The following CLDN16 variants were observed in gnomAD, a reference collection of about 807,000 sequenced individuals.
CLDN16 encodes the protein claudin 16.
CLDN16 carries 13 observed loss-of-function variants against 24.6 expected under a neutral mutation model. The observed-to-expected ratio is 0.53, with a 90% confidence interval of 0.34 to 0.84. The LOEUF (loss-of-function observed/expected upper bound fraction) is 0.84. Ranked by LOEUF, CLDN16 falls within the 40% of genes least tolerant of loss-of-function variation. CLDN16 has a pLI of 0.01. For missense variants in CLDN16, 298 were observed against 292.7 expected (o/e 1.02, Z -0.13); for synonymous variants, 116 against 106.7 (o/e 1.09, Z -0.54).
At chr3:190,313,170 C>A in the CLDN16 span, 1 of 951,468 alleles carries the variant, frequency 1.1e-6, no homozygotes, top group South Asian at 1.5e-5. Flanking sequence ...CCCAGTCATA[C>A]TGATGTTTCC....
At chr3:190,310,543 T>C in the CLDN16 span, among the ~76,000 whole-genome samples, 1 of 152,182 alleles carries the variant, frequency 6.6e-6, no homozygotes, top group Non-Finnish European at 1.5e-5. Flanking sequence ...TTGTACAAAA[T>C]CTCTTTTAAA....
At chr3:190,318,725 C>T (rs369067150), upstream of CLDN16, among the ~76,000 whole-genome samples, 3 of 152,218 alleles carry the variant, frequency 2.0e-5, no homozygotes, top group Non-Finnish European at 4.4e-5. Flanking sequence ...AATGGCCCTT[C>T]GAGTACCCTC....
intron 1 of CLDN16, among the ~76,000 whole-genome samples, chr3:190,335,181 T>C (rs986335655): frequency 7.9e-5 from 12 of 151,736 alleles, no homozygotes; most frequent in Non-Finnish European, 1.8e-4. Flanking sequence ...GTAGCTGAGA[T>C]TACAGGCACC....
chr3:190,330,912 C>G (rs1717168397), intron 1 of CLDN16, among the ~76,000 whole-genome samples: 2 of 152,264 alleles, frequency 1.3e-5, no homozygotes, highest in Admixed American at 1.3e-4. Context: ...TCAGCCTTAT[C>G]CTGTTCTCTC....
At chr3:190,401,415 C>T (rs1718958264) in intron 1 of CLDN16, among the ~76,000 whole-genome samples, 1 of 152,186 alleles carries the variant, frequency 6.6e-6, no homozygotes, top group South Asian at 2.1e-4. Flanking sequence ...CTTTACTAAA[C>T]TATTCCCAGA....
At chr3:190,300,307 A>G in the CLDN16 span, among the ~76,000 whole-genome samples, 2 of 144,290 alleles carry the variant, frequency 1.4e-5, no homozygotes, top group African/African-American at 5.9e-5. Context: ...TTGCTGCCCA[A>G]TGCAGGACTA....
chr3:190,342,591 C>T (rs1450337939), intron 1 of CLDN16, among the ~76,000 whole-genome samples: 4 of 152,118 alleles, frequency 2.6e-5, no homozygotes, highest in Non-Finnish European at 1.5e-5. Context: ...GTAAACAAAA[C>T]AGCATGGTAC....
chr3:190,393,166 G>A (rs1410916360), intron 1 of CLDN16, among the ~76,000 whole-genome samples: 1 of 152,162 alleles, frequency 6.6e-6, no homozygotes, highest in Non-Finnish European at 1.5e-5. Flanking sequence ...CTGCCTTTCT[G>A]ATCTGGGGCA....
chr3:190,365,306 A>G (rs1717996481), intron 1 of CLDN16, among the ~76,000 whole-genome samples: 1 of 151,650 alleles, frequency 6.6e-6, no homozygotes, highest in Non-Finnish European at 1.5e-5. Flanking sequence ...TGGCCTTCTC[A>G]GGATAGCCAC....
chr3:190,388,003 C>A (rs952746630), upstream of CLDN16: 10 of 963,722 alleles, frequency 1.0e-5, 1 homozygote, highest in East Asian at 2.3e-4. Flanking sequence ...GTCTGGTGAC[C>A]ACCACTAGCC....
At chr3:190,308,192 A>C in the CLDN16 span, 1 of 1,522,498 alleles carries the variant, frequency 6.6e-7, no homozygotes, top group Admixed American at 1.7e-5. Flanking sequence ...CAATACCCAA[A>C]ATTCTAAGGT....
chr3:190,356,024 C>T (rs548309579), intron 1 of CLDN16, among the ~76,000 whole-genome samples: 42 of 151,496 alleles, frequency 2.8e-4, no homozygotes, highest in African/African-American at 9.9e-4. Flanking sequence ...TATTTTAGGT[C>T]CAGTTCAGAT....
chr3:190,303,507 C>CT, the CLDN16 span, among the ~76,000 whole-genome samples: 7 of 151,958 alleles, frequency 4.6e-5, no homozygotes, highest in Middle Eastern at 3.4e-3. Context: ...TGTGTGTTCA[C>CT]TTTTTTTTCT....
intron 1 of CLDN16, among the ~76,000 whole-genome samples, chr3:190,349,362 C>T (rs1322336719): frequency 6.6e-6 from 1 of 152,276 alleles, no homozygotes; most frequent in South Asian, 2.1e-4. Context: ...CCCCTTGGCC[C>T]TTCTGCCATG....
the CLDN16 span, chr3:190,307,997 AG>A: frequency 2.7e-6 from 1 of 369,848 alleles, no homozygotes; most frequent in Non-Finnish European, 5.1e-6. Context: ...TATATATTTA[AG>A]GAGCACCCCT....
the CLDN16 span, among the ~76,000 whole-genome samples, chr3:190,296,007 T>A: frequency 9.2e-5 from 14 of 152,296 alleles, no homozygotes; most frequent in African/African-American, 3.4e-4. Context: ...AAGAGTTTTC[T>A]TCCCTGATAA....
chr3:190,365,677 T>C (rs1487212569), intron 1 of CLDN16, among the ~76,000 whole-genome samples: 1 of 151,336 alleles, frequency 6.6e-6, no homozygotes, highest in Non-Finnish European at 1.5e-5. Context: ...GATATCTTTG[T>C]GTTTTACTAA....
chr3:190,401,182 C>T (rs1349861267), intron 1 of CLDN16, among the ~76,000 whole-genome samples: 1 of 152,084 alleles, frequency 6.6e-6, no homozygotes, highest in African/African-American at 2.4e-5. Context: ...TTTTATTTGG[C>T]ACATAACACG....
At chr3:190,369,721 A>G (rs1337348761) in intron 1 of CLDN16, among the ~76,000 whole-genome samples, 1 of 151,982 alleles carries the variant, frequency 6.6e-6, no homozygotes, top group Admixed American at 6.6e-5. Flanking sequence ...TTTTGTCCTT[A>G]TAATCACTTT....
Sources: gnomAD v4.1 joint callset for allele counts (sites outside exome capture counted in the v4.1 genomes callset) on GRCh38, gnomAD v4.1.1 for gene constraint, MANE v1.5 for transcripts, NCBI Gene and HGNC (gene_info 2026-07-23, HGNC 2026-07-21) for gene names.